The following SCAMP1 variants were observed in gnomAD, a reference collection of about 807,000 sequenced individuals.
SCAMP1 encodes secretory carrier-associated membrane protein 1.
SCAMP1 carries 15 observed loss-of-function variants against 41.8 expected under a neutral mutation model. The observed-to-expected ratio is 0.36, with a 90% confidence interval of 0.24 to 0.55. SCAMP1 has a LOEUF of 0.55. Ranked by LOEUF, SCAMP1 falls within the 20% of genes least tolerant of loss-of-function variation. The probability of loss-of-function intolerance (pLI) is 0.86; values close to 1 mark genes in which losing one functional copy is unlikely to be tolerated. For synonymous variants in SCAMP1, 135 were observed against 136.8 expected (o/e 0.99, Z 0.09); for missense variants, 341 against 412.6 (o/e 0.83, Z 1.50).
At chr5:78,372,298 C>T (rs1253531989) in intron 1 of SCAMP1, among the ~76,000 whole-genome samples, 1 of 152,126 alleles carries the variant, frequency 6.6e-6, no homozygotes, top group Admixed American at 6.5e-5. Context: ...CAGTCATGGC[C>T]AGGAGTTGGT....
intron 1 of SCAMP1, among the ~76,000 whole-genome samples, chr5:78,367,054 C>T (rs914812980): frequency 6.6e-6 from 1 of 151,948 alleles, no homozygotes; most frequent in African/African-American, 2.4e-5. Flanking sequence ...TGTCTTTTAA[C>T]ATTAATCTGG....
At chr5:78,365,625 AT>A (rs1382538382) in intron 1 of SCAMP1, among the ~76,000 whole-genome samples, 1 of 152,162 alleles carries the variant, frequency 6.6e-6, no homozygotes, top group Non-Finnish European at 1.5e-5. Context: ...GCTAAAAATA[AT>A]TAAGTGCTTT....
Position 78,475,490 on chromosome 5 carries a change from T to A in SCAMP1, c.853-14T>A, listed in dbSNP as rs1753983185. On this transcript the variant is annotated splice_polypyrimidine_tract_variant and intron_variant, in intron 8 of 8. Transcript: ENST00000621999. ...TTGCTACTTACCTTCTCCCACTTTT[T>A]TGTGCCTCTGTAGGTACATGGACTA... 6.4e-7 allele frequency: 1 copy of A among 1,550,502 alleles called. No homozygotes were observed. Among genetic ancestry groups the A allele is most frequent in the African/African-American group, 1.4e-5 (1 of 72,428 alleles).
At chr5:78,417,457 A>C (rs1288761670) in intron 4 of SCAMP1, among the ~76,000 whole-genome samples, 5 of 152,248 alleles carry the variant, frequency 3.3e-5, no homozygotes, top group African/African-American at 1.2e-4. Flanking sequence ...ACCTGTAACT[A>C]AAATCCATCC....
chr5:78,460,603 CTTG>C (rs1753560360), intron 8 of SCAMP1, among the ~76,000 whole-genome samples: 76 of 145,440 alleles, frequency 5.2e-4, no homozygotes, highest in African/African-American at 1.9e-3. Flanking sequence ...TTTTTTTTTT[CTTG>C]TTGATTTGTT....
chr5:78,373,146 CCTT>C (rs1452511147), intron 1 of SCAMP1, among the ~76,000 whole-genome samples: 17 of 152,226 alleles, frequency 1.1e-4, no homozygotes, highest in East Asian at 9.6e-4. Context: ...TTCACTTACT[CCTT>C]CTTCTTATCT....
chr5:78,452,871 A>G (rs1580707499), intron 7 of SCAMP1, among the ~76,000 whole-genome samples: 2 of 149,314 alleles, frequency 1.3e-5, no homozygotes, highest in South Asian at 4.3e-4. Flanking sequence ...CTTTTTAATG[A>G]TCGCCATTCT....
At chr5:78,421,539 G>A (rs553381642) in intron 5 of SCAMP1, among the ~76,000 whole-genome samples, 1 of 152,264 alleles carries the variant, frequency 6.6e-6, no homozygotes, top group African/African-American at 2.4e-5. Flanking sequence ...CTCTGGTTTA[G>A]CTACATCATT....
intron 6 of SCAMP1, among the ~76,000 whole-genome samples, chr5:78,443,641 T>C (rs2112194581): frequency 6.9e-6 from 1 of 144,928 alleles, no homozygotes; most frequent in South Asian, 2.2e-4. Context: ...GCCAGACTAG[T>C]GAGTGGTTTT....
chr5:78,457,500 G>A (rs1476568306), intron 7 of SCAMP1, among the ~76,000 whole-genome samples: 3 of 152,126 alleles, frequency 2.0e-5, no homozygotes, highest in Admixed American at 1.3e-4. Context: ...GCTGCTCGGG[G>A]GTCAGGGGTC....
At chr5:78,440,030 CT>C in intron 6 of SCAMP1, among the ~76,000 whole-genome samples, 1 of 152,156 alleles carries the variant, frequency 6.6e-6, no homozygotes, top group Non-Finnish European at 1.5e-5. Context: ...TCACATAGTT[CT>C]CGTGCCGTGG....
chr5:78,384,382 T>C (rs1199847103), intron 1 of SCAMP1, among the ~76,000 whole-genome samples: 1 of 152,122 alleles, frequency 6.6e-6, no homozygotes, highest in Non-Finnish European at 1.5e-5. Flanking sequence ...TCTAGGTATA[T>C]GATCATGTCA....
At chr5:78,402,498 C>T (rs1751824235) in intron 2 of SCAMP1, among the ~76,000 whole-genome samples, 1 of 152,140 alleles carries the variant, frequency 6.6e-6, no homozygotes, top group Non-Finnish European at 1.5e-5. Flanking sequence ...GTTTGATGCT[C>T]TGTCATTAGG....
intron 6 of SCAMP1, among the ~76,000 whole-genome samples, chr5:78,430,198 A>T (rs867292325): frequency 0.014 from 122 of 8,642 alleles, 15 homozygotes; most frequent in African/African-American, 0.048. Flanking sequence ...TTATAAATAC[A>T]GTATTTATTT....
At chr5:78,392,488 T>C (rs1751545236) in intron 2 of SCAMP1, among the ~76,000 whole-genome samples, 1 of 152,088 alleles carries the variant, frequency 6.6e-6, no homozygotes, top group South Asian at 2.1e-4. Context: ...TAATTAAAAA[T>C]TACACAGACA....
chr5:78,369,299 GT>G (rs1383452360), intron 1 of SCAMP1, among the ~76,000 whole-genome samples: 5 of 152,066 alleles, frequency 3.3e-5, no homozygotes, highest in Admixed American at 6.6e-5. Context: ...TAGAGACGGG[GT>G]TTCACCATGT....
chr5:78,367,744 A>G (rs1383718714), intron 1 of SCAMP1, among the ~76,000 whole-genome samples: 1 of 152,170 alleles, frequency 6.6e-6, no homozygotes, highest in Non-Finnish European at 1.5e-5. Flanking sequence ...TAACTTCACT[A>G]GACACTCCCA....
chr5:78,431,757 T>A (rs1160818798), intron 6 of SCAMP1, among the ~76,000 whole-genome samples: 1 of 151,954 alleles, frequency 6.6e-6, no homozygotes. Flanking sequence ...CCAACCTTTA[T>A]ACAGTTTTAA....
intron 1 of SCAMP1, among the ~76,000 whole-genome samples, chr5:78,375,002 T>A (rs1751031820): frequency 6.6e-6 from 1 of 152,092 alleles, no homozygotes. Context: ...AAGTGGGGCA[T>A]TTAGAAACTG....
Sources: allele counts gnomAD v4.1 joint callset (sites outside exome capture counted in the v4.1 genomes callset), GRCh38; gene constraint gnomAD v4.1.1; transcripts MANE v1.5; gene names NCBI Gene and HGNC (gene_info 2026-07-23, HGNC 2026-07-21).